Variants in RUNX1 observed in about 807,000 individuals in gnomAD.
The protein encoded by RUNX1 is RUNX family transcription factor 1, also known as runt-related transcription factor 1.
Under a neutral mutation model 42.8 loss-of-function variants are expected in RUNX1, and 19 were observed. The observed-to-expected ratio is 0.44, with a 90% CI of 0.31 to 0.65. The LOEUF (loss-of-function observed/expected upper bound fraction) is 0.65. RUNX1 is among the 30% of genes least tolerant of loss of function. The pLI, the probability that RUNX1 is intolerant of heterozygous loss-of-function variation, is 0.07. For synonymous variants in RUNX1, 271 were observed against 289.4 expected, an observed-to-expected ratio of 0.94 and a Z score of 0.64; for missense variants, 528 against 672.0, an observed-to-expected ratio of 0.79 and a Z score of 2.37.
At chr21:34,965,185 C>A (rs1423578899) in intron 2 of RUNX1, among the ~76,000 whole-genome samples, 1 of 152,046 alleles carries the variant, frequency 6.6e-6, no homozygotes, top group Admixed American at 6.5e-5. Context: ...CACACATACT[C>A]ATATGCTCCC....
intron 7 of RUNX1, among the ~76,000 whole-genome samples, chr21:34,809,142 C>T (rs2056723969): frequency 6.6e-6 from 1 of 152,114 alleles, no homozygotes; most frequent in African/African-American, 2.4e-5. Flanking sequence ...TGAAGGAGCT[C>T]TACAGACAGG....
At chr21:34,833,192 C>A (rs1480573011) in intron 7 of RUNX1, 1 of 152,254 alleles carries the variant, frequency 6.6e-6, no homozygotes, top group Non-Finnish European at 1.5e-5. Context: ...CAACCTCCAA[C>A]CTCCCGGGTT....
chr21:34,821,644 T>C (rs766842287), intron 7 of RUNX1: 5 of 1,564,830 alleles, frequency 3.2e-6, no homozygotes, highest in African/African-American at 2.7e-5. Flanking sequence ...GGGAGAGGGA[T>C]GGACAGAAGA....
chr21:34,882,137 A>G (rs771559555), intron 4 of RUNX1, among the ~76,000 whole-genome samples: 6 of 152,194 alleles, frequency 3.9e-5, no homozygotes, highest in Admixed American at 2.0e-4. Flanking sequence ...TTTGTAGTAT[A>G]TATTTTCAGG....
chr21:34,972,458 C>T (rs546494931), intron 2 of RUNX1, among the ~76,000 whole-genome samples: 3 of 152,170 alleles, frequency 2.0e-5, no homozygotes, highest in African/African-American at 7.2e-5. Context: ...TTGCCCTATA[C>T]AGCAAACAAA....
intron 5 of RUNX1, 112 bp downstream of exon 5, chr21:34,880,445 G>A (rs1416584296): frequency 4.0e-6 from 4 of 998,554 alleles, no homozygotes; most frequent in Non-Finnish European, 6.3e-6. Context: ...CAATAAGAAT[G>A]TTAAGACAGA....
At chr21:34,888,321 C>A in intron 3 of RUNX1, 2 of 1,067,570 alleles carry the variant, frequency 1.9e-6, no homozygotes, top group Non-Finnish European at 2.3e-6. Flanking sequence ...GGGTTACACA[C>A]GCACGCACAT....
At chr21:35,010,384 T>C (rs146713603) in intron 2 of RUNX1, among the ~76,000 whole-genome samples, 2 of 152,310 alleles carry the variant, frequency 1.3e-5, no homozygotes, top group East Asian at 3.9e-4. Flanking sequence ...TGTTTAAATA[T>C]GCAGAGGTTC....
At chr21:35,035,305 G>C (rs895614066) in intron 2 of RUNX1, among the ~76,000 whole-genome samples, 1 of 152,106 alleles carries the variant, frequency 6.6e-6, no homozygotes, top group African/African-American at 2.4e-5. Context: ...GTGACTCAGC[G>C]GGAAAGGACA....
intron 7 of RUNX1, among the ~76,000 whole-genome samples, chr21:34,822,300 A>G (rs1165537145): frequency 6.6e-6 from 1 of 152,192 alleles, no homozygotes; most frequent in Admixed American, 6.5e-5. Flanking sequence ...TCATGCACCT[A>G]CAGGTGACTG....
intron 2 of RUNX1, among the ~76,000 whole-genome samples, chr21:35,013,080 C>T (rs776953684): frequency 2.0e-5 from 3 of 152,212 alleles, no homozygotes; most frequent in Non-Finnish European, 2.9e-5. Context: ...GATGACTGAA[C>T]AACGTGAACG....
chr21:34,823,627 A>G (rs1228803450), intron 7 of RUNX1, among the ~76,000 whole-genome samples: 1 of 151,954 alleles, frequency 6.6e-6, no homozygotes, highest in African/African-American at 2.4e-5. Flanking sequence ...TATTTTTAGT[A>G]GAGACGGGGT....
At chr21:35,000,661 T>C (rs1302963668) in intron 2 of RUNX1, among the ~76,000 whole-genome samples, 1 of 152,218 alleles carries the variant, frequency 6.6e-6, no homozygotes, top group African/African-American at 2.4e-5. Flanking sequence ...CATGTTCCCA[T>C]AGTTGAGTGC....
chr21:35,041,614 A>G (rs184311541), intron 2 of RUNX1, among the ~76,000 whole-genome samples: 18 of 152,168 alleles, frequency 1.2e-4, no homozygotes, highest in Admixed American at 2.6e-4. Context: ...AAACTGAATA[A>G]CAACTTTCTT....
rs186120390 is a variant in RUNX1, at chr21:34,842,232, T to G, written c.614-7631A>C. The stretch of plus-strand genomic sequence containing the variant: ...AGAAGTTGAATCAGTCCGGGCCTGA[T>G]GGCTCATCCCAGCACTCTGGGAGGC... On this transcript the variant is annotated intron_variant, in intron 6 of 8. Transcript: ENST00000675419. Among the ~76,000 whole-genome samples, 790 of 152,298 alleles carry G rather than the reference T, an allele frequency of 5.2e-3. 4 individuals are homozygous for G. Among genetic ancestry groups the G allele is most frequent in the African/African-American group, 0.017 (715 of 41,564 alleles).
At chr21:35,011,541 A>G (rs1834320875) in intron 2 of RUNX1, among the ~76,000 whole-genome samples, 1 of 152,216 alleles carries the variant, frequency 6.6e-6, no homozygotes, top group African/African-American at 2.4e-5. Flanking sequence ...GGCATTATCC[A>G]TAGGAAACCG....
chr21:34,848,698 G>C (rs1329239017), intron 6 of RUNX1, among the ~76,000 whole-genome samples: 1 of 152,194 alleles, frequency 6.6e-6, no homozygotes. Context: ...GGCTTCCAAA[G>C]TGCTGGGATT....
intron 2 of RUNX1, among the ~76,000 whole-genome samples, chr21:34,949,805 T>C (rs987325458): frequency 1.3e-5 from 2 of 152,194 alleles, no homozygotes; most frequent in Non-Finnish European, 2.9e-5. Flanking sequence ...ATCCTTTCTG[T>C]CAAGCAAGGA....
At chr21:34,856,849 A>G (rs1440496557) in intron 6 of RUNX1, among the ~76,000 whole-genome samples, 2 of 152,218 alleles carry the variant, frequency 1.3e-5, no homozygotes, top group African/African-American at 4.8e-5. Context: ...ATCTGGCAAC[A>G]TCTGGGCATC....
Sources: allele counts gnomAD v4.1 joint callset (sites outside exome capture counted in the v4.1 genomes callset), GRCh38; gene constraint gnomAD v4.1.1; transcripts MANE v1.5; gene names NCBI Gene and HGNC (gene_info 2026-07-23, HGNC 2026-07-21).